The following GJD4 variants were observed in gnomAD, a reference collection of about 807,000 sequenced individuals.
The protein encoded by GJD4 is gap junction protein delta 4.
A neutral mutation model predicts 17.9 loss-of-function variants in GJD4; 18 were observed. That is an observed-to-expected ratio of 1.00 (90% CI 0.69 to 1.49). GJD4 has a LOEUF of 1.49. GJD4 is among the 40% of genes most tolerant of loss of function. The probability of loss-of-function intolerance (pLI) is 0.00; values close to 1 mark genes in which losing one functional copy is unlikely to be tolerated. For missense variants in GJD4, 639 were observed against 506.9 expected (o/e 1.26, Z -2.50); for synonymous variants, 293 against 236.8 (o/e 1.24, Z -2.18).
In GJD4 at chr10:35,608,494, C is replaced by G. The variant is rs371212610; in HGVS notation, c.981C>G (p.Ser327=). ...EAAQDPRGSG[S]EEQPSAAPSR... is the part of the protein sequence containing the mutation. ...CCCAGGACCCCAGGGGCTCAGGATCCGAGGAGCAGCCCTCAGCAGCCCCCA... is the reference window on the plus strand; with the variant it reads ...CCCAGGACCCCAGGGGCTCAGGATCGGAGGAGCAGCCCTCAGCAGCCCCCA... The change falls in exon 2 of 2, where the codon TCC becomes TCG. Residue 327 remains serine (S), a synonymous_variant. Coordinates refer to ENST00000321660, the MANE Select transcript of GJD4 (RefSeq NM_153368.3). 1 of 1,549,930 alleles carries G rather than the reference C, an allele frequency of 6.5e-7. No individual in the cohort carries two copies. Among genetic ancestry groups the G allele is most frequent in the Non-Finnish European group, 8.7e-7 (1 of 1,147,604 alleles).
Position 35,607,922 on chromosome 10 carries a change from C to T in GJD4, c.409C>T (p.Pro137Ser). Residue 137 changes from proline (P) to serine (S), a missense_variant, in exon 2 of 2, where the codon CCC (proline) becomes TCC (serine). Physicochemically the swap from Pro to Ser is moderately conservative, Grantham distance 74 (BLOSUM62 -1). Coordinates refer to ENST00000321660, the MANE Select transcript of GJD4 (RefSeq NM_153368.3). ...CGGGGAGCGCGGCGGCCTCCAGGTG[C>T]CCGACTTTTCGGCCGGCTACATCAT... ...PFGERGGLQVPDFSAGYIIHL... is the reference protein window; with the variant it reads ...PFGERGGLQVSDFSAGYIIHL... 1 of 1,604,626 alleles carries T rather than the reference C, an allele frequency of 6.2e-7. No individual in the cohort carries two copies. The highest frequency in any genetic ancestry group is 8.5e-7 in the Non-Finnish European group (1 of 1,178,442).
In GJD4 at chr10:35,608,042, C is replaced by A. The variant is rs201912261; in HGVS notation, c.529C>A (p.Arg177Ser). 6.2e-7 allele frequency: 1 copy of A among 1,610,222 alleles called. No homozygotes were observed. Among genetic ancestry groups the A allele is most frequent in the Non-Finnish European group, 8.5e-7 (1 of 1,178,692 alleles). Residue 177 changes from arginine (R) to serine (S), a missense_variant, in exon 2 of 2, where the codon CGC becomes AGC. Arg to Ser is a moderately radical substitution (Grantham distance 110). Coordinates refer to ENST00000321660, the MANE Select transcript of GJD4 (RefSeq NM_153368.3). ...FLAPKKFPCTRPPCTGVVDCY... is the reference protein window; with the variant it reads ...FLAPKKFPCTSPPCTGVVDCY... ...GGCCCCGAAGAAGTTCCCTTGCACG[C>A]GCCCTCCGTGCACGGGCGTGGTGGA...
chr10:35,607,419 C>CCAA (rs557609570), intron 1 of GJD4, 159 bp from the exon 2 acceptor site: 27 of 639,490 alleles, frequency 4.2e-5, no homozygotes, highest in South Asian at 1.5e-4. Flanking sequence ...GACCCTGTGT[C>CCAA]CAACAACAAC....
intron 1 of GJD4, chr10:35,606,630 TAC>T (rs1835457571): frequency 6.6e-6 from 1 of 151,326 alleles, no homozygotes; most frequent in Non-Finnish European, 1.5e-5. Flanking sequence ...TGACTGTCTT[TAC>T]ATATTTATTT....
Position 35,608,055 on chromosome 10 carries a change from C to CG in GJD4, c.545dup (p.Val183ArgfsTer70). On this transcript the variant is annotated frameshift_variant, in exon 2 of 2. Transcript: ENST00000321660. LOFTEE classifies it high-confidence loss of function. ...TTCCCTTGCACGCGCCCTCCGTGCA[C>CG]GGGCGTGGTGGACTGCTACGTGTCG... 6.2e-7 allele frequency: 1 copy of CG among 1,609,954 alleles called. No individual in the cohort carries two copies. The highest frequency in any genetic ancestry group is 1.3e-5 in the African/African-American group (1 of 74,800).
At chr10:35,606,940 A>T (rs1835463941) in intron 1 of GJD4, 1 of 152,240 alleles carries the variant, frequency 6.6e-6, no homozygotes, top group Non-Finnish European at 1.5e-5. Flanking sequence ...GTAGACTAAC[A>T]TTAAATACAA....
intron 1 of GJD4, chr10:35,605,835 G>A (rs575284093): frequency 5.6e-5 from 32 of 576,554 alleles, no homozygotes; most frequent in South Asian, 3.2e-4. Context: ...ATGGTTCCGC[G>A]GTTCCTCCGT....
Position 35,605,376 on chromosome 10 carries a change from G to T in GJD4, c.-192G>T. The T allele has an allele frequency of 1.6e-6, 1 of 627,174 alleles. No individual in the cohort carries two copies. Among genetic ancestry groups the T allele is most frequent in the East Asian group, 2.8e-5 (1 of 36,206 alleles). The allele number at this position is 627,174 out of a possible 1,614,324, so 38.9% of individuals were successfully genotyped here. A position where few individuals can be genotyped will look rare whatever the true frequency, so the allele number is the denominator to read the frequency against. On this transcript the variant is annotated 5_prime_UTR_variant, in exon 1 of 2. It adds an upstream start codon to the 5' untranslated region. Transcript: ENST00000321660. ...GTTGTCAGGAATGTTTCGCCTCAGAGGCAAACGGCTTAGGGCCGTCTCAAC... is the reference window on the plus strand; with the variant it reads ...GTTGTCAGGAATGTTTCGCCTCAGATGCAAACGGCTTAGGGCCGTCTCAAC...
Position 35,608,603 on chromosome 10 carries a change from G to T in GJD4, c.1090G>T (p.Ala364Ser). ...ASSSGAPHLRARKSEWV is the reference protein window; with the variant it reads ...ASSSGAPHLRSRKSEWV ...CTCCAGTGGTGCTCCCCACCTGAGA[G>T]CCAGGAAGTCTGAGTGGGTGTGAAA... Residue 364 changes from alanine (A) to serine (S), a missense_variant, in exon 2 of 2, where the codon GCC becomes TCC. Physicochemically the swap from Ala to Ser is moderately conservative, Grantham distance 99. Transcript: ENST00000321660. 2 of 1,514,838 alleles carry T rather than the reference G, an allele frequency of 1.3e-6. No homozygotes were observed. Among genetic ancestry groups the T allele is most frequent in the African/African-American group, 1.4e-5 (1 of 71,446 alleles). 93.8% of individuals were successfully genotyped at this position (1,514,838 alleles called of 1,614,324 possible). A position where few individuals can be genotyped will look rare whatever the true frequency, so the allele number is the denominator to read the frequency against.
In GJD4 at chr10:35,608,000, T is replaced by G. The variant is rs1468411399; in HGVS notation, c.487T>G (p.Phe163Val). The G allele has an allele frequency of 1.2e-6, 2 of 1,611,992 alleles. No homozygotes were observed. The highest frequency in any genetic ancestry group is 2.2e-5 in the South Asian group (2 of 91,022). Reference sequence around the variant, plus strand: ...GGCAGCCTTCGGGGCCTTGCACTACTTTCTCTTTGGATTCCTGGCCCCGAA... The same window carrying G: ...GGCAGCCTTCGGGGCCTTGCACTACGTTCTCTTTGGATTCCTGGCCCCGAA... ...LEAAFGALHY[F>V]LFGFLAPKKF... The change falls in exon 2 of 2, where the codon TTT becomes GTT. Residue 163 changes from phenylalanine (F) to valine (V), a missense_variant. Phe to Val is a conservative substitution (Grantham distance 50). Transcript: ENST00000321660.
rs1835500338 is a variant in GJD4, at chr10:35,608,846, G to A, written c.*220G>A. ...CCAGCTACTTGGGAGGCTGAGATGG[G>A]AGGACCATTTGAGCCTGGGAGATCG... On this transcript the variant is annotated 3_prime_UTR_variant, in exon 2 of 2. Coordinates refer to ENST00000321660, the MANE Select transcript of GJD4 (RefSeq NM_153368.3). The A allele has an allele frequency of 2.2e-6, 1 of 445,730 alleles. No homozygotes were observed. Among genetic ancestry groups the A allele is most frequent in the African/African-American group, 2.1e-5 (1 of 48,218 alleles). 27.6% of individuals were successfully genotyped at this position (445,730 alleles called of 1,614,324 possible).
At position 35,607,529 on chromosome 10, in the gene GJD4, G is replaced by C. The variant is rs763819202; in HGVS notation, c.65-49G>C. The C allele has an allele frequency of 7.0e-6, 9 of 1,276,866 alleles. No homozygotes were observed. The East Asian group carries it at 2.1e-4, about 30-fold the overall frequency. 79.1% of individuals were successfully genotyped at this position (1,276,866 alleles called of 1,614,324 possible). On this transcript the variant is annotated intron_variant, in intron 1 of 1. Transcript: ENST00000321660. ...ATAGACACTTTAAAGCTGTTACTCA[G>C]GGCAGTGTATTCGGGGTGATGAGGC... is the stretch of plus-strand genomic sequence containing the variant.
Position 35,608,603 on chromosome 10 carries a change from G to A in GJD4, c.1090G>A (p.Ala364Thr). 6.6e-7 allele frequency: 1 copy of A among 1,514,838 alleles called. No homozygotes were observed. Among genetic ancestry groups the A allele is most frequent in the Non-Finnish European group, 8.8e-7 (1 of 1,134,818 alleles). The allele number at this position is 1,514,838 out of a possible 1,614,324, so 93.8% of individuals were successfully genotyped here. Reference protein sequence around the residue: ...ASSSGAPHLRARKSEWV With the variant: ...ASSSGAPHLRTRKSEWV ...CTCCAGTGGTGCTCCCCACCTGAGA[G>A]CCAGGAAGTCTGAGTGGGTGTGAAA... is the stretch of plus-strand genomic sequence containing the variant. Residue 364 changes from alanine (A) to threonine (T), a missense_variant, in exon 2 of 2, where the codon GCC (alanine) becomes ACC (threonine). Ala to Thr is a moderately conservative substitution (Grantham distance 58). Transcript: ENST00000321660.
rs776358447 is a variant in GJD4, at chr10:35,608,247, A to C, written c.734A>C (p.His245Pro). 10 of 1,574,568 alleles carry C rather than the reference A, an allele frequency of 6.4e-6. No individual in the cohort carries two copies. Among genetic ancestry groups the C allele is most frequent in the Non-Finnish European group, 8.6e-6 (10 of 1,166,226 alleles). Residue 245 changes from histidine (H) to proline (P), a missense_variant, in exon 2 of 2, where the codon CAC becomes CCC. His to Pro is a moderately conservative substitution (Grantham distance 77, BLOSUM62 -2). Transcript: ENST00000321660. ...CGGAAGCAGAGCGGAGCCTCAGGCC[A>C]CGCGGAGGGACGCCGGACTGACGAG... The part of the protein sequence containing the change: ...SIRKQSGASG[H>P]AEGRRTDEEG...
Position 35,607,514 on chromosome 10 carries a change from T to C in GJD4, c.65-64T>C, listed in dbSNP as rs1426842413. ...CCAATCTCAGCCCCAATAGACACTTTAAAGCTGTTACTCAGGGCAGTGTAT... is the reference window on the plus strand; with the variant it reads ...CCAATCTCAGCCCCAATAGACACTTCAAAGCTGTTACTCAGGGCAGTGTAT... On this transcript the variant is annotated intron_variant, in intron 1 of 1. Coordinates refer to ENST00000321660, the MANE Select transcript of GJD4 (RefSeq NM_153368.3). 4 of 1,098,722 alleles carry C rather than the reference T, an allele frequency of 3.6e-6. No individual in the cohort carries two copies. The Admixed American group carries it at 5.9e-5, about 16-fold the overall frequency. 68.1% of individuals were successfully genotyped at this position (1,098,722 alleles called of 1,614,324 possible).
chr10:35,605,827 G>A, intron 1 of GJD4, 196 bp downstream of exon 1: 1 of 593,810 alleles, frequency 1.7e-6, no homozygotes. Context: ...TTCTTTGAAT[G>A]GTTCCGCGGT....
rs749484234 is a variant in GJD4 at position 35,605,640 on chromosome 10, T to C, written c.64+9T>C. On this transcript the variant is annotated intron_variant, in intron 1 of 1. Transcript: ENST00000321660. ...CAACGTGACCATGGTGGGTGAGTAT[T>C]GGGACCATCTCCAAACTCCTGCGCT... is the stretch of plus-strand genomic sequence containing the variant. 5.0e-6 allele frequency: 8 copies of C among 1,605,864 alleles called. No individual in the cohort carries two copies. The highest frequency in any genetic ancestry group is 6.8e-6 in the Non-Finnish European group (8 of 1,172,606).
At chr10:35,605,742 C>A in intron 1 of GJD4, 111 bp downstream of exon 1, 4 of 802,684 alleles carry the variant, frequency 5.0e-6, no homozygotes, top group South Asian at 1.6e-5. Context: ...TGTGCAAGCA[C>A]CAAGCTGAAA....
chr10:35,607,848 C>T lies in GJD4; in HGVS notation c.335C>T (p.Pro112Leu). The change falls in exon 2 of 2, where the codon CCC (proline) becomes CTC (leucine). Residue 112 changes from proline to leucine, a missense_variant. By Grantham distance (98) the Pro-to-Leu change is moderately conservative. Transcript: ENST00000321660. ...TLAALGPRRCPDPREPASGQR... is the reference protein window; with the variant it reads ...TLAALGPRRCLDPREPASGQR... ...GCCGCGCTGGGCCCCCGCCGCTGCC[C>T]CGACCCCCGGGAGCCGGCCTCCGGG... 5.0e-6 allele frequency: 8 copies of T among 1,599,818 alleles called. No individual in the cohort carries two copies. The highest frequency in any genetic ancestry group is 2.2e-5 in the South Asian group (2 of 90,870).
Sources: allele counts gnomAD v4.1 joint callset, GRCh38; gene constraint gnomAD v4.1.1; transcripts MANE v1.5; gene names NCBI Gene and HGNC (gene_info 2026-07-23, HGNC 2026-07-21).